ALX4: variants seen among roughly 807,000 people sequenced by gnomAD.
ALX4 encodes the protein homeobox protein aristaless-like 4.
ALX4 carries 22 observed loss-of-function variants against 40.6 expected under a neutral mutation model. The observed-to-expected ratio is 0.54, with a 90% CI of 0.39 to 0.77. The LOEUF is 0.77. Among genes scored for constraint, ALX4 ranks in the 30% least tolerant of loss-of-function variants. The probability of loss-of-function intolerance (pLI) is 0.00; values close to 1 mark genes in which losing one functional copy is unlikely to be tolerated. For synonymous variants in ALX4, 266 were observed against 240.5 expected (o/e 1.11, Z -0.98); for missense variants, 556 against 564.8 (o/e 0.98, Z 0.16).
chr11:44,293,739 T>G (rs947368480), intron 1 of ALX4, among the ~76,000 whole-genome samples: 6 of 152,254 alleles, frequency 3.9e-5, no homozygotes, highest in Non-Finnish European at 5.9e-5. Context: ...ACTGGCCTCT[T>G]GCCCCTGGCT....
chr11:44,267,769 G>A, intron 2 of ALX4, 147 bp from the exon 3 acceptor site: 2 of 1,106,650 alleles, frequency 1.8e-6, no homozygotes, highest in Non-Finnish European at 1.3e-6. Context: ...TATCAACCTT[G>A]GTCTTTGTCC....
chr11:44,280,486 G>C (rs1266190048), intron 1 of ALX4, among the ~76,000 whole-genome samples: 3 of 152,230 alleles, frequency 2.0e-5, no homozygotes, highest in African/African-American at 7.2e-5. Flanking sequence ...CACCCGCCAG[G>C]GGTTGGACTT....
At chr11:44,299,949 A>G (rs1956425817) in intron 1 of ALX4, among the ~76,000 whole-genome samples, 1 of 152,222 alleles carries the variant, frequency 6.6e-6, no homozygotes, top group Admixed American at 6.5e-5. Flanking sequence ...GCACTGGTGT[A>G]CTGCCTGGCG....
intron 1 of ALX4, among the ~76,000 whole-genome samples, chr11:44,306,443 C>G (rs1359228588): frequency 2.6e-5 from 4 of 152,360 alleles, no homozygotes; most frequent in South Asian, 2.1e-4. Flanking sequence ...TGGACTCTGC[C>G]GGGAGTGGGC....
rs758621060 is a variant in ALX4, at chr11:44,309,752, T to G, written c.311A>C (p.Gln104Pro). 9 of 1,548,344 alleles carry G rather than the reference T, an allele frequency of 5.8e-6. No individual in the cohort carries two copies. The highest frequency in any genetic ancestry group is 2.4e-5 in the East Asian group (1 of 40,986). Residue 104 changes from glutamine to proline, a missense_variant, in exon 1 of 4, where the codon CAG (glutamine) becomes CCG (proline). Physicochemically the swap from Gln to Pro is moderately conservative, Grantham distance 76 (BLOSUM62 -1). Transcript: ENST00000652299. ...CGGCTGCTGCTGCTGCGGCTGCGGCTGCGGCGGCGGCTGGGGCTGCGGGGT... is the reference window on the plus strand; with the variant it reads ...CGGCTGCTGCTGCTGCGGCTGCGGCGGCGGCGGCGGCTGGGGCTGCGGGGT... ...PSTPQPQPPP[Q>P]PQPQQQQPQP...
chr11:44,267,741 G>A lies in ALX4; in HGVS notation c.778-119C>T, dbSNP rs192056939. On this transcript the variant is annotated intron_variant, in intron 2 of 3. Transcript: ENST00000652299. Reference sequence around the variant, plus strand: ...ATCAGTTGCAGTGCGTTTGGGAAACGGTGCGGCCACACATAAATATCAACC... The same window carrying A: ...ATCAGTTGCAGTGCGTTTGGGAAACAGTGCGGCCACACATAAATATCAACC... 1.6e-3 allele frequency: 2,136 copies of A among 1,325,798 alleles called. 14 individuals are homozygous for A. The highest frequency in any genetic ancestry group is 9.1e-3 in the South Asian group (772 of 84,598). 82.1% of individuals were successfully genotyped at this position (1,325,798 alleles called of 1,614,324 possible).
intron 1 of ALX4, among the ~76,000 whole-genome samples, chr11:44,289,640 C>G (rs1460147579): frequency 6.6e-6 from 1 of 152,166 alleles, no homozygotes; most frequent in Non-Finnish European, 1.5e-5. Context: ...TGCTGAGCCA[C>G]TGGGGTCATT....
chr11:44,272,871 C>T (rs1956256875), intron 2 of ALX4, among the ~76,000 whole-genome samples: 1 of 152,114 alleles, frequency 6.6e-6, no homozygotes, highest in African/African-American at 2.4e-5. Flanking sequence ...GCAACTCAAC[C>T]GTGCAGCTCT....
chr11:44,264,944 G>T lies in ALX4; in HGVS notation c.1146C>A (p.Leu382=). 1 of 1,613,120 alleles carries T rather than the reference G, an allele frequency of 6.2e-7. No individual in the cohort carries two copies. The highest frequency in any genetic ancestry group is 8.5e-7 in the Non-Finnish European group (1 of 1,179,944). ...SLSPGLNGYE[L]NGEPDRKTSS... ...AGGTCTTGCGGTCCGGCTCGCCGTTGAGCTCGTAGCCATTGAGGCCTGGGC... is the reference window on the plus strand; with the variant it reads ...AGGTCTTGCGGTCCGGCTCGCCGTTTAGCTCGTAGCCATTGAGGCCTGGGC... Residue 382 remains leucine (L), a synonymous_variant, in exon 4 of 4, where the codon CTC becomes CTA. Transcript: ENST00000652299.
chr11:44,268,588 T>C (rs894557601), intron 2 of ALX4, among the ~76,000 whole-genome samples: 1 of 152,006 alleles, frequency 6.6e-6, no homozygotes, highest in Non-Finnish European at 1.5e-5. Context: ...ACGGGGAGTA[T>C]TGGGTCCTTT....
At chr11:44,306,938 G>C (rs1195315589) in intron 1 of ALX4, among the ~76,000 whole-genome samples, 1 of 152,156 alleles carries the variant, frequency 6.6e-6, no homozygotes. Flanking sequence ...GCTGAGAGAG[G>C]GAAAGAACAA....
chr11:44,303,311 G>C, intron 1 of ALX4, among the ~76,000 whole-genome samples: 1 of 152,260 alleles, frequency 6.6e-6, no homozygotes, highest in Non-Finnish European at 1.5e-5. Flanking sequence ...CTCCCTCTCT[G>C]CCCCCAATGT....
Position 44,297,091 on chromosome 11 carries a change from G to A in ALX4, c.466+12506C>T, listed in dbSNP as rs569601430. Among the ~76,000 whole-genome samples, 3 of 151,804 alleles carry A rather than the reference G, an allele frequency of 2.0e-5. No homozygotes were observed. The East Asian group carries it at 5.8e-4, about 29-fold the overall frequency. On this transcript the variant is annotated intron_variant, in intron 1 of 3. Transcript: ENST00000652299. ...TAGAATAGAGGTCACTTGGGTGGGGGGTCAAGGGTGTGATGGCGGTTCCCG... is the reference window on the plus strand; with the variant it reads ...TAGAATAGAGGTCACTTGGGTGGGGAGTCAAGGGTGTGATGGCGGTTCCCG...
At chr11:44,268,461 G>C (rs1170240302) in intron 2 of ALX4, among the ~76,000 whole-genome samples, 2 of 152,180 alleles carry the variant, frequency 1.3e-5, no homozygotes, top group Non-Finnish European at 2.9e-5. Context: ...CTGATGGTGA[G>C]AGGAAGTGGA....
In ALX4 at chr11:44,264,850, C is replaced by T; in HGVS notation, c.*4G>A. The T allele has an allele frequency of 6.2e-7, 1 of 1,612,572 alleles. No homozygotes were observed. The highest frequency in any genetic ancestry group is 8.5e-7 in the Non-Finnish European group (1 of 1,179,878). On this transcript the variant is annotated 3_prime_UTR_variant, in exon 4 of 4. Transcript: ENST00000652299. ...CGAGGTGGGGACGGGGCAGGGGTGC[C>T]CTGTCATGTGGCCCAGGAAATGGCC...
At chr11:44,299,387 A>AG (rs1956422389) in intron 1 of ALX4, among the ~76,000 whole-genome samples, 1 of 104,596 alleles carries the variant, frequency 9.6e-6, no homozygotes, top group East Asian at 3.3e-4. Flanking sequence ...TGTGAGATGG[A>AG]TCTTGCTCTG....
intron 1 of ALX4, among the ~76,000 whole-genome samples, chr11:44,278,154 C>A (rs1956288766): frequency 6.6e-6 from 1 of 152,094 alleles, no homozygotes; most frequent in Non-Finnish European, 1.5e-5. Flanking sequence ...CATCTCACAG[C>A]CCCATAGACG....
At chr11:44,308,129 T>C (rs1038806684) in intron 1 of ALX4, among the ~76,000 whole-genome samples, 1 of 152,178 alleles carries the variant, frequency 6.6e-6, no homozygotes, top group African/African-American at 2.4e-5. Flanking sequence ...AGTATGTGGC[T>C]CATTCGAGGC....
At chr11:44,304,586 G>T (rs771461308) in intron 1 of ALX4, among the ~76,000 whole-genome samples, 10 of 152,154 alleles carry the variant, frequency 6.6e-5, no homozygotes, top group Middle Eastern at 3.2e-3. Flanking sequence ...CCCAGTCCAG[G>T]GGTCTGCAGA....
Sources: allele counts gnomAD v4.1 joint callset (sites outside exome capture counted in the v4.1 genomes callset), GRCh38; gene constraint gnomAD v4.1.1; transcripts MANE v1.5; gene names NCBI Gene and HGNC (gene_info 2026-07-23, HGNC 2026-07-21).